CTNNB1: variants seen among roughly 807,000 people sequenced by gnomAD.
CTNNB1 encodes the protein catenin beta-1.
In CTNNB1, 6 loss-of-function variants were observed where a neutral mutation model predicts 82.5. The ratio of observed to expected loss-of-function variants is 0.07; its 90% confidence interval spans 0.04 to 0.14. The LOEUF is 0.14. Among genes scored for constraint, CTNNB1 ranks in the 10% least tolerant of loss-of-function variants. The pLI, the probability that CTNNB1 is intolerant of heterozygous loss-of-function variation, is 1.00. For synonymous variants in CTNNB1, 312 were observed against 329.7 expected (o/e 0.95, Z 0.58); for missense variants, 529 against 980.4 (o/e 0.54, Z 6.15).
At position 41,225,421 on chromosome 3, in the gene CTNNB1, G is replaced by A. The variant is rs147382769; in HGVS notation, c.583G>A (p.Val195Met). ...CGCTATCATGCGTTCTCCTCAGATG[G>A]TGTCTGCTATTGTACGTACCATGCA... ...RHAIMRSPQM[V>M]SAIVRTMQNT... Residue 195 changes from valine to methionine, a missense_variant, in exon 5 of 15, where the codon GTG (valine) becomes ATG (methionine). Around this residue, in one of 4 missense-constraint regions of CTNNB1, gnomAD observed 411 missense variants for 776.4 expected, o/e 0.53. Transcript: ENST00000349496. This position sits in a 1 kb window ranked among gnomAD's most constrained non-coding sequence, Gnocchi z 5.3. The A allele has an allele frequency of 3.1e-6, 5 of 1,613,782 alleles. No individual in the cohort carries two copies. The highest frequency in any genetic ancestry group is 4.2e-6 in the Non-Finnish European group (5 of 1,179,984).
At chr3:41,228,393 C>A (rs1263265544) in intron 7 of CTNNB1, among the ~76,000 whole-genome samples, 1 of 152,138 alleles carries the variant, frequency 6.6e-6, no homozygotes, top group East Asian at 1.9e-4. Flanking sequence ...CATTTTTTGA[C>A]TTTTTATTAG....
chr3:41,223,377 T>C (rs4135372), intron 1 of CTNNB1, among the ~76,000 whole-genome samples: 8 of 152,164 alleles, frequency 5.3e-5, no homozygotes, highest in African/African-American at 1.7e-4. Context: ...TTGGTAATAT[T>C]TGTATTTATA....
At chr3:41,231,337 AAAAGG>A (rs573357721) in intron 7 of CTNNB1, among the ~76,000 whole-genome samples, 87 of 152,006 alleles carry the variant, frequency 5.7e-4, no homozygotes, top group Non-Finnish European at 7.8e-4. Context: ...AAAAAAAAAA[AAAAGG>A]GAAAGAGATT....
chr3:41,231,905 A>G (rs1484903640), intron 7 of CTNNB1, among the ~76,000 whole-genome samples: 1 of 152,228 alleles, frequency 6.6e-6, no homozygotes, highest in Admixed American at 6.5e-5. Context: ...AGGGGACAAC[A>G]TTGGTACCAT....
rs2078148727 is a variant in CTNNB1, at chr3:41,225,298, G to C, written c.496-36G>C. ...GAATGTCTACCCAATACCAGTACTT[G>C]AAAACTAACGATGTTTCTGAATTCC... On this transcript the variant is annotated intron_variant, in intron 4 of 14. Transcript: ENST00000349496. This position sits in a 1 kb window ranked among gnomAD's most constrained non-coding sequence, Gnocchi z 5.3. 1.2e-6 allele frequency: 2 copies of C among 1,613,836 alleles called. No homozygotes were observed. Among genetic ancestry groups the C allele is most frequent in the Non-Finnish European group, 1.7e-6 (2 of 1,179,814 alleles).
chr3:41,201,041 ATTTCC>A (rs1252309000), intron 1 of CTNNB1, among the ~76,000 whole-genome samples: 1 of 152,214 alleles, frequency 6.6e-6, no homozygotes. Flanking sequence ...AGACGGCAGC[ATTTCC>A]TTTCATAAAG....
Position 41,239,243 on chromosome 3 carries a change from A to G in CTNNB1, c.2247A>G (p.Pro749=). The change falls in exon 15 of 15, where the codon CCA becomes CCG. Residue 749 remains proline, a synonymous_variant. Transcript: ENST00000349496. ...MGGHHPGADY[P]VDGLPDLGHA... is the part of the protein sequence containing the mutation. The stretch of plus-strand genomic sequence containing the variant: ...GCCACCACCCTGGTGCTGACTATCC[A>G]GTTGATGGGCTGCCAGATCTGGGGC... 3 of 1,614,224 alleles carry G rather than the reference A, an allele frequency of 1.9e-6. No individual in the cohort carries two copies. Among genetic ancestry groups the G allele is most frequent in the Non-Finnish European group, 2.5e-6 (3 of 1,180,034 alleles).
chr3:41,210,921 C>T (rs942713068), intron 1 of CTNNB1: 2 of 413,974 alleles, frequency 4.8e-6, no homozygotes, highest in South Asian at 1.7e-5. Flanking sequence ...TCCCAAGTAG[C>T]TGGGACTACA....
chr3:41,218,282 A>T (rs2077959153), intron 1 of CTNNB1, among the ~76,000 whole-genome samples: 1 of 152,108 alleles, frequency 6.6e-6, no homozygotes, highest in Non-Finnish European at 1.5e-5. Flanking sequence ...TGCCTACTAC[A>T]GTCTCTTACC....
At chr3:41,210,938 A>T in intron 1 of CTNNB1, 1 of 434,588 alleles carries the variant, frequency 2.3e-6, no homozygotes, top group South Asian at 1.6e-5. Context: ...TACACCAGGC[A>T]CCCCACCATG....
intron 14 of CTNNB1, among the ~76,000 whole-genome samples, chr3:41,238,615 C>T (rs775329052): frequency 9.2e-5 from 14 of 152,182 alleles, no homozygotes; most frequent in Non-Finnish European, 4.4e-5. Flanking sequence ...CAGATTCTTA[C>T]TGTGAGAAAT....
chr3:41,235,406 T>C (rs1227930134), intron 10 of CTNNB1: 4 of 365,498 alleles, frequency 1.1e-5, no homozygotes, highest in African/African-American at 2.1e-5. Flanking sequence ...TGAGCATTAC[T>C]TTCTCATCTT....
At chr3:41,239,002 A>C in intron 14 of CTNNB1, 132 bp from the exon 15 acceptor site, 1 of 781,870 alleles carries the variant, frequency 1.3e-6, no homozygotes, top group South Asian at 1.4e-5. Context: ...GAGGCTAGAA[A>C]GCGTTGTTTT....
At chr3:41,203,571 C>T (rs2125584396) in intron 1 of CTNNB1, among the ~76,000 whole-genome samples, 1 of 152,190 alleles carries the variant, frequency 6.6e-6, no homozygotes, top group South Asian at 2.1e-4. Context: ...TGTCTAAAAT[C>T]ATTCACAGAG....
rs1280597859 is a variant in CTNNB1, at chr3:41,224,769, T to C, written c.241+16T>C. The C allele has an allele frequency of 1.9e-6, 3 of 1,609,398 alleles. No homozygotes were observed. In the South Asian group the frequency reaches 3.3e-5, roughly 18 times the overall value. ...CAAGTAGCTGGTAAGAGTATTATTT[T>C]TCATTGCCTTACTGAAAGTCAGAAT... On this transcript the variant is annotated intron_variant, in intron 3 of 14. Coordinates refer to ENST00000349496, the MANE Select transcript of CTNNB1 (RefSeq NM_001904.4).
intron 1 of CTNNB1, chr3:41,211,071 G>C (rs1364176496): frequency 4.4e-6 from 2 of 456,410 alleles, no homozygotes; most frequent in African/African-American, 4.0e-5. Context: ...AGGATTACAG[G>C]TAAGAGCCAC....
intron 7 of CTNNB1, among the ~76,000 whole-genome samples, chr3:41,232,394 T>C (rs945334119): frequency 1.3e-5 from 2 of 152,154 alleles, no homozygotes; most frequent in African/African-American, 4.8e-5. Context: ...AGGTGATCTT[T>C]GTCTTGTAGG....
At chr3:41,231,536 T>A (rs1044814817) in intron 7 of CTNNB1, among the ~76,000 whole-genome samples, 1 of 152,148 alleles carries the variant, frequency 6.6e-6, no homozygotes, top group African/African-American at 2.4e-5. Flanking sequence ...GAGCCATAGA[T>A]ACAGAATACT....
Position 41,239,197 on chromosome 3 carries a change from T to G in CTNNB1, c.2201T>G (p.Met734Arg). 1 of 1,614,198 alleles carries G rather than the reference T, an allele frequency of 6.2e-7. No homozygotes were observed. Among genetic ancestry groups the G allele is most frequent in the Non-Finnish European group, 8.5e-7 (1 of 1,180,026 alleles). Reference sequence around the variant, plus strand: ...CAGGATGCCTTGGGTATGGACCCCATGATGGAACATGAGATGGGTGGCCAC... The same window carrying G: ...CAGGATGCCTTGGGTATGGACCCCAGGATGGAACATGAGATGGGTGGCCAC... ...YGQDALGMDP[M>R]MEHEMGGHHP... The change falls in exon 15 of 15, where the codon ATG (methionine) becomes AGG (arginine). Residue 734 changes from methionine to arginine, a missense_variant. Met to Arg is a moderately conservative substitution (Grantham distance 91, BLOSUM62 -1). Transcript: ENST00000349496.
Sources: gnomAD v4.1 joint callset for allele counts (sites outside exome capture counted in the v4.1 genomes callset) on GRCh38, gnomAD v4.1.1 for gene constraint, gnomAD v4.1.1 regional missense constraint, Gnocchi (gnomAD v3.1) non-coding constraint, MANE v1.5 for transcripts, NCBI Gene and HGNC (gene_info 2026-07-23, HGNC 2026-07-21) for gene names.